Variants in GALNT2 observed in about 807,000 individuals in gnomAD.
GALNT2 encodes the protein polypeptide N-acetylgalactosaminyltransferase 2.
GALNT2 carries 31 observed loss-of-function variants against 81.4 expected under a neutral mutation model. The observed-to-expected ratio is 0.38, with a 90% CI of 0.29 to 0.51. GALNT2 has a LOEUF of 0.51. GALNT2 is among the 20% of genes least tolerant of loss of function. The pLI is 0.87. For missense variants in GALNT2, 629 were observed against 765.7 expected, an observed-to-expected ratio of 0.82 and a Z score of 2.11; for synonymous variants, 303 against 287.4, an observed-to-expected ratio of 1.05 and a Z score of -0.55.
chr1:230,155,641 G>T (rs1325442165), intron 1 of GALNT2, among the ~76,000 whole-genome samples: 1 of 152,196 alleles, frequency 6.6e-6, no homozygotes, highest in Non-Finnish European at 1.5e-5. Context: ...GTTTTGTGAG[G>T]ACTGGAGCTT....
At chr1:230,071,677 C>T (rs1374413816) in intron 1 of GALNT2, among the ~76,000 whole-genome samples, 1 of 152,138 alleles carries the variant, frequency 6.6e-6, no homozygotes, top group Non-Finnish European at 1.5e-5. Context: ...CTCCTTGCCA[C>T]CTATCATCAG....
chr1:230,238,052 G>C (rs76463020), intron 6 of GALNT2, among the ~76,000 whole-genome samples: 2 of 152,186 alleles, frequency 1.3e-5, no homozygotes. Flanking sequence ...AGAAGGGTGG[G>C]TTGGGAGAAG....
rs534085734 is a variant in GALNT2, at chr1:230,248,688, C to T, written c.818-496C>T. 3.5e-4 allele frequency among the ~76,000 whole-genome samples: 53 copies of T among 152,350 alleles called. 1 individual carries two copies. Among genetic ancestry groups the T allele is most frequent in the Admixed American group, 1.8e-3 (28 of 15,312 alleles). Reference sequence around the variant, plus strand: ...TTTTCATATTCCCAGCATGTTCCCACTCCATTCTTGCTGCAAATACAGTCT... The same window carrying T: ...TTTTCATATTCCCAGCATGTTCCCATTCCATTCTTGCTGCAAATACAGTCT... On this transcript the variant is annotated intron_variant, in intron 8 of 15. Coordinates refer to ENST00000366672, the MANE Select transcript of GALNT2 (RefSeq NM_004481.5).
Position 230,078,655 on chromosome 1 carries a change from A to C in GALNT2, c.126+11249A>C, listed in dbSNP as rs534857746. On this transcript the variant is annotated intron_variant, in intron 1 of 15. Coordinates refer to ENST00000366672, the MANE Select transcript of GALNT2 (RefSeq NM_004481.5). ...TGTTTCTTCTGTGAGGAGTATCTAC[A>C]TTCTTTGGAAATTGCTAATCCTGGT... 3.3e-5 allele frequency among the ~76,000 whole-genome samples: 5 copies of C among 152,294 alleles called. No individual in the cohort carries two copies. The South Asian group carries it at 1.0e-3, about 32-fold the overall frequency.
chr1:230,110,042 G>A (rs2102788428), intron 1 of GALNT2, among the ~76,000 whole-genome samples: 1 of 152,278 alleles, frequency 6.6e-6, no homozygotes, highest in South Asian at 2.1e-4. Context: ...TGGGAGCCAC[G>A]GCGTCCTGGC....
intron 1 of GALNT2, among the ~76,000 whole-genome samples, chr1:230,093,018 C>T (rs1660141095): frequency 6.6e-6 from 1 of 152,094 alleles, no homozygotes; most frequent in Admixed American, 6.6e-5. Context: ...GGTATGTTAC[C>T]CCCATCTATA....
chr1:230,088,372 A>G (rs1437937430), intron 1 of GALNT2, among the ~76,000 whole-genome samples: 1 of 150,934 alleles, frequency 6.6e-6, no homozygotes, highest in Non-Finnish European at 1.5e-5. Context: ...GCTTGTTTTC[A>G]CTAGCATGAT....
intron 3 of GALNT2, among the ~76,000 whole-genome samples, chr1:230,227,185 A>G (rs1427316209): frequency 2.0e-5 from 3 of 152,114 alleles, no homozygotes; most frequent in Non-Finnish European, 4.4e-5. Context: ...AAAAATGAAT[A>G]AGTGCAAACC....
intron 11 of GALNT2, among the ~76,000 whole-genome samples, chr1:230,260,105 C>A (rs918374974): frequency 1.3e-5 from 2 of 152,204 alleles, no homozygotes; most frequent in East Asian, 3.8e-4. Flanking sequence ...TCGTCACTAT[C>A]TCATGTTGGT....
At chr1:230,089,323 G>T (rs1659991306) in intron 1 of GALNT2, among the ~76,000 whole-genome samples, 1 of 151,122 alleles carries the variant, frequency 6.6e-6, no homozygotes, top group Non-Finnish European at 1.5e-5. Context: ...TTTTTTGCGT[G>T]TGTGTGTGTG....
intron 1 of GALNT2, among the ~76,000 whole-genome samples, chr1:230,075,732 G>C (rs1014753357): frequency 6.6e-6 from 1 of 152,196 alleles, no homozygotes. Flanking sequence ...GTTACGTCGT[G>C]TGCAGAAAGG....
intron 15 of GALNT2, among the ~76,000 whole-genome samples, chr1:230,278,597 C>T (rs1260563677): frequency 2.0e-5 from 3 of 152,102 alleles, no homozygotes; most frequent in South Asian, 2.1e-4. Flanking sequence ...ACTTTACAAG[C>T]GGCATGTTCA....
chr1:230,159,423 A>C (rs1036682889), intron 1 of GALNT2, among the ~76,000 whole-genome samples: 1 of 152,140 alleles, frequency 6.6e-6, no homozygotes, highest in African/African-American at 2.4e-5. Context: ...AATTCACCCA[A>C]TTATTTCGTT....
At chr1:230,236,596 G>A in intron 5 of GALNT2, 64 bp from the exon 6 acceptor site, 1 of 1,518,196 alleles carries the variant, frequency 6.6e-7, no homozygotes, top group South Asian at 1.2e-5. Context: ...AGAATACTAT[G>A]GTTGAATGCA....
chr1:230,154,741 A>G (rs1246288874), intron 1 of GALNT2, among the ~76,000 whole-genome samples: 1 of 152,134 alleles, frequency 6.6e-6, no homozygotes, highest in Non-Finnish European at 1.5e-5. Context: ...ATCTTCCCCC[A>G]TGGCCCTCGG....
At chr1:230,148,459 A>G (rs1160231524) in intron 1 of GALNT2, among the ~76,000 whole-genome samples, 1 of 152,230 alleles carries the variant, frequency 6.6e-6, no homozygotes, top group African/African-American at 2.4e-5. Context: ...CTCGTTTAAC[A>G]CAAGTGCTCT....
At chr1:230,249,161 C>G (rs945752069) in intron 8 of GALNT2, 23 bp from the exon 9 acceptor site, 1 of 1,609,476 alleles carries the variant, frequency 6.2e-7, no homozygotes, top group Non-Finnish European at 8.5e-7. Flanking sequence ...TGTCAACACC[C>G]TGTTTCTTTT....
chr1:230,186,760 A>G (rs1282035782), intron 2 of GALNT2, among the ~76,000 whole-genome samples: 2 of 152,222 alleles, frequency 1.3e-5, no homozygotes, highest in East Asian at 3.8e-4. Flanking sequence ...TTATCTTCAA[A>G]GAGATCAGAA....
At chr1:230,273,646 C>T (rs1666209382) in intron 14 of GALNT2, among the ~76,000 whole-genome samples, 1 of 152,168 alleles carries the variant, frequency 6.6e-6, no homozygotes, top group South Asian at 2.1e-4. Flanking sequence ...TCCTCTCACC[C>T]TGTCACAGCC....
Sources: allele counts gnomAD v4.1 joint callset (sites outside exome capture counted in the v4.1 genomes callset), GRCh38; gene constraint gnomAD v4.1.1; transcripts MANE v1.5; gene names NCBI Gene and HGNC (gene_info 2026-07-23, HGNC 2026-07-21).